RAB2A: variants seen among roughly 807,000 people sequenced by gnomAD.
The protein encoded by RAB2A is RAB2A, member RAS oncogene family, also known as ras-related protein Rab-2A.
A neutral mutation model predicts 32.5 loss-of-function variants in RAB2A; 7 were observed. That is an observed-to-expected ratio of 0.22 (90% confidence interval 0.12 to 0.40). The LOEUF is 0.40. Ranked by LOEUF, RAB2A falls within the 10% of genes least tolerant of loss-of-function variation. The probability of loss-of-function intolerance (pLI) is 1.00; values close to 1 mark genes in which losing one functional copy is unlikely to be tolerated. For synonymous variants in RAB2A, 79 were observed against 85.2 expected, an observed-to-expected ratio of 0.93 and a Z score of 0.40; for missense variants, 108 against 260.7, an observed-to-expected ratio of 0.41 and a Z score of 4.03.
intron 1 of RAB2A, among the ~76,000 whole-genome samples, chr8:60,547,500 G>A (rs1269723956): frequency 1.3e-5 from 2 of 151,492 alleles, no homozygotes; most frequent in Non-Finnish European, 2.9e-5. Context: ...TCACCTCCCG[G>A]ACAGGGCAGC....
At chr8:60,611,746 A>G (rs1453155280) in intron 6 of RAB2A, among the ~76,000 whole-genome samples, 3 of 152,228 alleles carry the variant, frequency 2.0e-5, no homozygotes, top group Non-Finnish European at 4.4e-5. Flanking sequence ...ATAAATAAGC[A>G]TTCTAAGAAT....
rs530354993 is a variant in RAB2A, at chr8:60,621,792, C to A, written c.*1023C>A. On this transcript the variant is annotated 3_prime_UTR_variant, in exon 8 of 8. Coordinates refer to ENST00000262646, the MANE Select transcript of RAB2A (RefSeq NM_002865.3). ...CTGTGTAAAATTTTTCTTTCAGTGG[C>A]AACCTCTATAATCTTTAAAATATGG... The A allele has an allele frequency of 1.3e-5, 2 of 152,204 alleles. No individual in the cohort carries two copies. Among genetic ancestry groups the A allele is most frequent in the Admixed American group, 1.3e-4 (2 of 15,284 alleles). 9.4% of individuals were successfully genotyped at this position (152,204 alleles called of 1,614,324 possible). A position where few individuals can be genotyped will look rare whatever the true frequency, so the allele number is the denominator to read the frequency against.
chr8:60,569,598 G>T (rs1415173356), intron 2 of RAB2A, among the ~76,000 whole-genome samples: 1 of 152,112 alleles, frequency 6.6e-6, no homozygotes, highest in Non-Finnish European at 1.5e-5. Context: ...GCAGCCTGGA[G>T]TTCCCAGGCT....
chr8:60,527,421 G>A (rs1314729500), intron 1 of RAB2A, among the ~76,000 whole-genome samples: 1 of 152,190 alleles, frequency 6.6e-6, no homozygotes, highest in Non-Finnish European at 1.5e-5. Context: ...GAGCTGGAGA[G>A]GCCTCAGGAA....
intron 3 of RAB2A, among the ~76,000 whole-genome samples, chr8:60,573,511 C>T (rs1808226106): frequency 6.6e-6 from 1 of 152,154 alleles, no homozygotes; most frequent in Admixed American, 6.5e-5. Flanking sequence ...CTCTGTCTTG[C>T]CTTGTCCTTG....
chr8:60,615,330 T>G (rs1028387291), intron 6 of RAB2A, among the ~76,000 whole-genome samples: 22 of 152,354 alleles, frequency 1.4e-4, no homozygotes, highest in African/African-American at 5.3e-4. Context: ...AGATAAGGTA[T>G]TTTTAAGAGA....
chr8:60,517,572 C>T (rs1807227522), intron 1 of RAB2A, among the ~76,000 whole-genome samples: 1 of 152,100 alleles, frequency 6.6e-6, no homozygotes, highest in South Asian at 2.1e-4. Context: ...ACTCACATGA[C>T]TGCACCCCAC....
chr8:60,524,691 A>C (rs980448231), intron 1 of RAB2A, among the ~76,000 whole-genome samples: 1 of 152,202 alleles, frequency 6.6e-6, no homozygotes, highest in African/African-American at 2.4e-5. Flanking sequence ...GTTCTCATCC[A>C]TGGAAATGCT....
chr8:60,615,851 CA>C (rs1469293797), intron 6 of RAB2A, among the ~76,000 whole-genome samples: 1 of 152,028 alleles, frequency 6.6e-6, no homozygotes, highest in Admixed American at 6.6e-5. Flanking sequence ...TGCTGGGTTT[CA>C]AACGCAAAGG....
chr8:60,516,987 A>C lies in RAB2A; in HGVS notation c.-221A>C. The C allele has an allele frequency of 2.3e-6, 1 of 425,932 alleles. No homozygotes were observed. 26.4% of individuals were successfully genotyped at this position (425,932 alleles called of 1,614,324 possible). ...GGGCGGAGGCGCCGCGGCGGCTGTT[A>C]TTGTTCGGCTGGGCTCGGTCGGGCG... is the stretch of plus-strand genomic sequence containing the variant. On this transcript the variant is annotated 5_prime_UTR_variant, in exon 1 of 8. Transcript: ENST00000262646.
intron 3 of RAB2A, among the ~76,000 whole-genome samples, chr8:60,579,918 C>T (rs1435577018): frequency 2.0e-5 from 3 of 151,768 alleles, no homozygotes; most frequent in African/African-American, 4.8e-5. Flanking sequence ...TGAGCCACCG[C>T]GCCTGGCCCT....
At chr8:60,613,945 A>G (rs1472801556) in intron 6 of RAB2A, among the ~76,000 whole-genome samples, 1 of 152,218 alleles carries the variant, frequency 6.6e-6, no homozygotes, top group Non-Finnish European at 1.5e-5. Flanking sequence ...TCGCTTGTTT[A>G]CAAGATACCC....
chr8:60,548,526 A>C (rs1213682104), intron 1 of RAB2A, among the ~76,000 whole-genome samples: 2 of 82,072 alleles, frequency 2.4e-5, no homozygotes, highest in Non-Finnish European at 4.5e-5. Flanking sequence ...TGACCCCCCC[A>C]CCTCCCTCCC....
At chr8:60,553,323 A>C (rs1807885449) in intron 1 of RAB2A, among the ~76,000 whole-genome samples, 1 of 152,178 alleles carries the variant, frequency 6.6e-6, no homozygotes, top group African/African-American at 2.4e-5. Flanking sequence ...TCTTCTCTCT[A>C]GGAAGCCCCT....
intron 1 of RAB2A, among the ~76,000 whole-genome samples, chr8:60,524,399 T>C (rs1465825262): frequency 6.6e-6 from 1 of 152,238 alleles, no homozygotes; most frequent in Non-Finnish European, 1.5e-5. Context: ...TCTGCTCACT[T>C]TAGTCTATGA....
At chr8:60,610,626 C>T (rs1804326442) in intron 6 of RAB2A, among the ~76,000 whole-genome samples, 1 of 152,188 alleles carries the variant, frequency 6.6e-6, no homozygotes. Flanking sequence ...TACCACTCTC[C>T]TCCACATTTT....
chr8:60,612,656 T>G (rs1804371513), intron 6 of RAB2A, among the ~76,000 whole-genome samples: 1 of 152,246 alleles, frequency 6.6e-6, no homozygotes, highest in South Asian at 2.1e-4. Flanking sequence ...GCTGTAATTA[T>G]GTGTGGTCTT....
At chr8:60,519,839 T>C (rs1218324618) in intron 1 of RAB2A, among the ~76,000 whole-genome samples, 4 of 151,944 alleles carry the variant, frequency 2.6e-5, no homozygotes, top group Non-Finnish European at 4.4e-5. Context: ...GTGGTGTCGT[T>C]GTTGTTGTTG....
At chr8:60,533,792 G>A (rs1255434536) in intron 1 of RAB2A, among the ~76,000 whole-genome samples, 6 of 152,116 alleles carry the variant, frequency 3.9e-5, no homozygotes, top group African/African-American at 7.2e-5. Context: ...CCAACATGGC[G>A]AAATTCCATC....
Sources: allele counts gnomAD v4.1 joint callset (sites outside exome capture counted in the v4.1 genomes callset), GRCh38; gene constraint gnomAD v4.1.1; transcripts MANE v1.5; gene names NCBI Gene and HGNC (gene_info 2026-07-23, HGNC 2026-07-21).